PMFBP1: variants seen among roughly 807,000 people sequenced by gnomAD.
PMFBP1 encodes the protein polyamine modulated factor 1 binding protein 1.
A neutral mutation model predicts 137.8 loss-of-function variants in PMFBP1; 131 were observed. The ratio of observed to expected loss-of-function variants is 0.95; its 90% CI spans 0.82 to 1.10. The LOEUF is 1.10. Ranked by LOEUF, PMFBP1 falls within the 50% of genes least tolerant of loss-of-function variation. The probability of loss-of-function intolerance (pLI) is 0.00; values close to 1 mark genes in which losing one functional copy is unlikely to be tolerated. For missense variants in PMFBP1, 1,199 were observed against 1,175.4 expected (o/e 1.02, Z -0.29); for synonymous variants, 490 against 450.4 (o/e 1.09, Z -1.11).
chr16:72,185,307 AGC>A, the PMFBP1 span, among the ~76,000 whole-genome samples: 2 of 152,112 alleles, frequency 1.3e-5, no homozygotes, highest in Non-Finnish European at 2.9e-5. Flanking sequence ...TACAGGCATG[AGC>A]CACCGTGCAC....
intron 2 of PMFBP1, among the ~76,000 whole-genome samples, chr16:72,167,854 G>A (rs917611930): frequency 2.0e-5 from 3 of 152,186 alleles, no homozygotes; most frequent in African/African-American, 7.2e-5. Flanking sequence ...CACACTGAGG[G>A]CTCACTAACA....
intron 10 of PMFBP1, 131 bp downstream of exon 10, chr16:72,132,617 T>G: frequency 2.8e-6 from 4 of 1,431,580 alleles, no homozygotes; most frequent in Non-Finnish European, 3.8e-6. Context: ...GATGAGGCCC[T>G]GAGAAGGTCT....
downstream of PMFBP1, among the ~76,000 whole-genome samples, chr16:72,118,824 CCTTT>C (rs756571116): frequency 6.0e-4 from 91 of 152,184 alleles, no homozygotes; most frequent in Non-Finnish European, 1.1e-3. Flanking sequence ...TATTGCTCTT[CCTTT>C]CTTTGGGGTC....
At chr16:72,152,067 C>T (rs1489801942) in intron 4 of PMFBP1, among the ~76,000 whole-genome samples, 2 of 152,204 alleles carry the variant, frequency 1.3e-5, no homozygotes, top group East Asian at 3.9e-4. Flanking sequence ...CCTTTATGGG[C>T]TTCCGGTCCT....
At chr16:72,120,179 G>C (rs760474159) in intron 19 of PMFBP1, 90 bp from the exon 20 acceptor site, 2 of 1,591,780 alleles carry the variant, frequency 1.3e-6, no homozygotes. Flanking sequence ...GTGTCACAGG[G>C]AAGACAGCAC....
chr16:72,196,001 G>A, the PMFBP1 span, among the ~76,000 whole-genome samples: 4 of 150,648 alleles, frequency 2.7e-5, no homozygotes, highest in Admixed American at 2.0e-4. Context: ...GTGTGTGTGT[G>A]TGTGTGTGTG....
the PMFBP1 span, among the ~76,000 whole-genome samples, chr16:72,207,651 C>G: frequency 6.0e-5 from 9 of 151,022 alleles, no homozygotes; most frequent in African/African-American, 2.2e-4. Context: ...GGCAGGAAAA[C>G]CACTGGTGAC....
intron 9 of PMFBP1, among the ~76,000 whole-genome samples, chr16:72,134,533 A>T (rs141852554): frequency 3.5e-4 from 54 of 152,246 alleles, no homozygotes; most frequent in African/African-American, 1.1e-3. Flanking sequence ...CTCAGCTCAA[A>T]ACCCTCCACT....
At chr16:72,224,531 CCACT>C in the PMFBP1 span, 3 of 152,508 alleles carry the variant, frequency 2.0e-5, no homozygotes, top group Non-Finnish European at 4.4e-5. Flanking sequence ...CCCAACCCAA[CCACT>C]CACTATTTCC....
At chr16:72,120,202 C>A in intron 19 of PMFBP1, 113 bp from the exon 20 acceptor site, 1 of 1,525,566 alleles carries the variant, frequency 6.6e-7, no homozygotes, top group South Asian at 1.3e-5. Context: ...ATGCCCAGGT[C>A]TGTTCAGAGC....
chr16:72,243,747 G>A, the PMFBP1 span, among the ~76,000 whole-genome samples: 2 of 152,174 alleles, frequency 1.3e-5, no homozygotes, highest in Non-Finnish European at 2.9e-5. Flanking sequence ...CATACTCTGA[G>A]TAGGGAGAAA....
chr16:72,150,920 G>GT (rs2042893738), intron 4 of PMFBP1, 91 bp from the exon 5 acceptor site: 1 of 1,107,572 alleles, frequency 9.0e-7, no homozygotes, highest in Non-Finnish European at 1.4e-6. Flanking sequence ...GAGAAGTCTT[G>GT]TATCTGAACC....
At chr16:72,155,420 T>C in intron 3 of PMFBP1, among the ~76,000 whole-genome samples, 1 of 152,218 alleles carries the variant, frequency 6.6e-6, no homozygotes, top group Non-Finnish European at 1.5e-5. Context: ...TTTGCTAGCA[T>C]GTCCTTAATG....
upstream of PMFBP1, among the ~76,000 whole-genome samples, chr16:72,178,015 C>T (rs2043264405): frequency 6.6e-6 from 1 of 152,092 alleles, no homozygotes; most frequent in African/African-American, 2.4e-5. Flanking sequence ...CCTCAGCCTC[C>T]CAAGTAGCTG....
chr16:72,180,273 T>A (rs555865875), upstream of PMFBP1, among the ~76,000 whole-genome samples: 1 of 152,288 alleles, frequency 6.6e-6, no homozygotes, highest in East Asian at 1.9e-4. Context: ...CTGGTATTAG[T>A]CTCCACAATC....
the PMFBP1 span, among the ~76,000 whole-genome samples, chr16:72,188,804 C>T: frequency 2.6e-5 from 4 of 152,228 alleles, no homozygotes; most frequent in African/African-American, 9.6e-5. Context: ...ATTCTATGCC[C>T]ATACTCCCTA....
At chr16:72,128,956 G>A (rs6499562) in intron 13 of PMFBP1, 110 bp downstream of exon 13, 628,011 of 1,510,300 alleles carry the variant, frequency 0.42, 134,142 homozygotes, top group South Asian at 0.58. Context: ...TGTCCCTCCC[G>A]TCTTTCCTAA....
At chr16:72,248,051 T>G in the PMFBP1 span, among the ~76,000 whole-genome samples, 4,279 of 152,282 alleles carry the variant, frequency 0.028, 107 homozygotes, top group Non-Finnish European at 0.04. Context: ...TTGTAACACA[T>G]GGTCTTATAA....
At chr16:72,185,097 C>T in the PMFBP1 span, among the ~76,000 whole-genome samples, 1 of 151,452 alleles carries the variant, frequency 6.6e-6, no homozygotes, top group Admixed American at 6.6e-5. Context: ...AATCTTGGCT[C>T]ACTGCAACCT....
Sources: allele counts gnomAD v4.1 joint callset (sites outside exome capture counted in the v4.1 genomes callset), GRCh38; gene constraint gnomAD v4.1.1; transcripts MANE v1.5; gene names NCBI Gene and HGNC (gene_info 2026-07-23, HGNC 2026-07-21).